Variants in PTPRU observed in about 807,000 individuals in gnomAD.
PTPRU encodes protein tyrosine phosphatase receptor type U.
PTPRU carries 69 observed loss-of-function variants against 166.3 expected under a neutral mutation model. The observed-to-expected ratio is 0.41, with a 90% CI of 0.34 to 0.51. The LOEUF is 0.51. Among genes scored for constraint, PTPRU ranks in the 20% least tolerant of loss-of-function variants. The probability of loss-of-function intolerance (pLI) is 0.09; values close to 1 mark genes in which losing one functional copy is unlikely to be tolerated. For synonymous variants in PTPRU, 793 were observed against 814.0 expected (o/e 0.97, Z 0.44); for missense variants, 1,657 against 2,013.7 (o/e 0.82, Z 3.39).
chr1:29,311,651 C>G lies in PTPRU; in HGVS notation c.2964C>G (p.Cys988Trp). Reference protein sequence around the residue: ...TKLVEVGRVKCSRYWPEDSDT... With the variant: ...TKLVEVGRVKWSRYWPEDSDT... ...TCCTGTGGGGCCTCTAGGTGAAATG[C>G]TCACGGTACTGGCCGGAGGACTCAG... The change falls in exon 21 of 30, where the codon TGC becomes TGG. Residue 988 changes from cysteine (C) to tryptophan (W), a missense_variant. Cys to Trp is a radical substitution (Grantham distance 215). This residue lies in a region of PTPRU where 1,190 missense variants were observed against 1,477.4 expected (regional missense o/e 0.81). Transcript: ENST00000373779. This position sits in a 1 kb window ranked among gnomAD's most constrained non-coding sequence, Gnocchi z 4.1. 1 of 1,614,148 alleles carries G rather than the reference C, an allele frequency of 6.2e-7. No individual in the cohort carries two copies. Among genetic ancestry groups the G allele is most frequent in the Non-Finnish European group, 8.5e-7 (1 of 1,179,964 alleles).
Position 29,279,031 on chromosome 1 carries a change from C to T in PTPRU, c.1473C>T (p.Ala491=), listed in dbSNP as rs35932909. The T allele has an allele frequency of 2.3e-3, 3,663 of 1,588,846 alleles. 82 individuals carry two copies. The African/African-American group carries it at 0.039, about 17-fold the overall frequency. ...TTGCAGTGCCCAGTGGGATTGCAGCCGAGTCCCTGACCTTCACTCCACTGG... is the reference window on the plus strand; with the variant it reads ...TTGCAGTGCCCAGTGGGATTGCAGCTGAGTCCCTGACCTTCACTCCACTGG... ...TDEDVPSGIA[A]ESLTFTPLED... is the part of the protein sequence containing the mutation. The change falls in exon 9 of 30, where the codon GCC becomes GCT. Residue 491 remains alanine, a synonymous_variant. Transcript: ENST00000373779. This position sits in a 1 kb window ranked among gnomAD's most constrained non-coding sequence, Gnocchi z 5.2.
rs1683858929 is a variant in PTPRU, at chr1:29,238,011, T to C, written c.73+1294T>C. ...CGCCCGGGCCTCCCGGGACACTCCC[T>C]TGGTGGAGCCTGCAACTTTGTGCGG... On this transcript the variant is annotated intron_variant, in intron 1 of 29. Transcript: ENST00000373779. The surrounding 1 kb of genome is among the most constrained non-coding windows in gnomAD (Gnocchi z 6.1). Among the ~76,000 whole-genome samples, 1 of 150,896 alleles carries C rather than the reference T, an allele frequency of 6.6e-6. No homozygotes were observed. The highest frequency in any genetic ancestry group is 1.5e-5 in the Non-Finnish European group (1 of 67,572).
At chr1:29,302,112 C>T (rs1225905207) in intron 15 of PTPRU, among the ~76,000 whole-genome samples, 4 of 151,104 alleles carry the variant, frequency 2.6e-5, no homozygotes, top group African/African-American at 7.3e-5. Flanking sequence ...GACAGCGATA[C>T]TGATGATCCT....
intron 1 of PTPRU, among the ~76,000 whole-genome samples, chr1:29,243,861 G>T (rs1468886770): frequency 6.6e-6 from 1 of 152,182 alleles, no homozygotes; most frequent in Non-Finnish European, 1.5e-5. Flanking sequence ...GTCATGGGTG[G>T]GCTGGCTATG....
intron 7 of PTPRU, among the ~76,000 whole-genome samples, chr1:29,269,256 T>A (rs1446955985): frequency 7.3e-5 from 8 of 110,070 alleles, no homozygotes; most frequent in Non-Finnish European, 9.6e-5. Flanking sequence ...ATTTTTTTTT[T>A]TTTTTTTTTT....
rs34163524 is a variant in PTPRU at position 29,266,010 on chromosome 1, G to GTTTTTTT, written c.1144+5128_1144+5134dup. Reference sequence around the variant, plus strand: ...CTGTCTCCCAAAGATTTTCTCCTGGGTTTTTTTTTTTTTTTTTTTTTTTTT... The same window carrying GTTTTTTT: ...CTGTCTCCCAAAGATTTTCTCCTGGGTTTTTTTTTTTTTTTTTTTTTTTTTTTTTTTT... On this transcript the variant is annotated intron_variant, in intron 7 of 29. Transcript: ENST00000373779. Among the ~76,000 whole-genome samples, 169 of 79,212 alleles carry GTTTTTTT rather than the reference G, an allele frequency of 2.1e-3. 11 individuals are homozygous for GTTTTTTT. The highest frequency in any genetic ancestry group is 7.0e-3 in the African/African-American group (158 of 22,492). 52.0% of individuals were successfully genotyped at this position (79,212 alleles called of 152,430 possible).
At chr1:29,286,628 A>G (rs1686361241) in intron 14 of PTPRU, among the ~76,000 whole-genome samples, 2 of 149,646 alleles carry the variant, frequency 1.3e-5, no homozygotes, top group South Asian at 4.2e-4. Flanking sequence ...GGAGAGGGCT[A>G]TAGTGGAGGG....
intron 8 of PTPRU, among the ~76,000 whole-genome samples, chr1:29,277,004 G>A (rs1685834670): frequency 6.6e-6 from 1 of 152,252 alleles, no homozygotes; most frequent in East Asian, 1.9e-4. Flanking sequence ...TCAATTTGTT[G>A]TCTATACAAT....
At chr1:29,278,132 T>A (rs1265302244) in intron 8 of PTPRU, among the ~76,000 whole-genome samples, 2 of 152,086 alleles carry the variant, frequency 1.3e-5, no homozygotes, top group African/African-American at 4.8e-5. Flanking sequence ...GTTGTCCTTC[T>A]TAAGAGCTAC....
chr1:29,258,626 G>A lies in PTPRU; in HGVS notation c.327G>A (p.Arg109=). 6.2e-7 allele frequency: 1 copy of A among 1,614,264 alleles called. No individual in the cohort carries two copies. The highest frequency in any genetic ancestry group is 1.3e-5 in the African/African-American group (1 of 75,078). The change falls in exon 3 of 30, where the codon CGG becomes CGA. Residue 109 remains arginine (R), a synonymous_variant. Transcript: ENST00000373779. ...AGTTCAGCTACTTCCTGTACAGCCGGGACGGGCACAGCCCGGGCACCCTGG... is the reference window on the plus strand; with the variant it reads ...AGTTCAGCTACTTCCTGTACAGCCGAGACGGGCACAGCCCGGGCACCCTGG... The part of the protein sequence containing the change: ...CVQFSYFLYS[R]DGHSPGTLGV...
intron 18 of PTPRU, chr1:29,307,023 C>A: frequency 7.7e-7 from 1 of 1,301,166 alleles, no homozygotes; most frequent in South Asian, 1.2e-5. Flanking sequence ...CTGCCCTGCT[C>A]ACATCGCCCA....
In PTPRU at chr1:29,237,796, A is replaced by AGGGGCCGGCGGGCGGGCAGGGGAGGGC. The variant is rs1683842862; in HGVS notation, c.73+1080_73+1106dup. Among the ~76,000 whole-genome samples the AGGGGCCGGCGGGCGGGCAGGGGAGGGC allele has an allele frequency of 6.9e-6, 1 of 145,072 alleles. No homozygotes were observed. The highest frequency in any genetic ancestry group is 1.5e-5 in the Non-Finnish European group (1 of 65,558). ...GCGCCCGGGCCAGCGGGCCCCAGCG[A>AGGGGCCGGCGGGCGGGCAGGGGAGGGC]GGGGCCGGCGGGCGGGCAGGGGAGG... is the stretch of plus-strand genomic sequence containing the variant. On this transcript the variant is annotated intron_variant, in intron 1 of 29. Transcript: ENST00000373779. The surrounding 1 kb of genome is among the most constrained non-coding windows in gnomAD (Gnocchi z 6.4).
At chr1:29,244,840 G>T (rs966832496) in intron 1 of PTPRU, among the ~76,000 whole-genome samples, 1 of 152,202 alleles carries the variant, frequency 6.6e-6, no homozygotes, top group African/African-American at 2.4e-5. Context: ...TAAGCACTGT[G>T]TAAGTGATCA....
Position 29,279,763 on chromosome 1 carries a change from G to T in PTPRU, c.1765+106G>T, listed in dbSNP as rs906114747. 5 of 1,343,120 alleles carry T rather than the reference G, an allele frequency of 3.7e-6. No individual in the cohort carries two copies. Among genetic ancestry groups the T allele is most frequent in the Admixed American group, 3.8e-5 (2 of 52,420 alleles). The allele number at this position is 1,343,120 out of a possible 1,614,324, so 83.2% of individuals were successfully genotyped here. A position where few individuals can be genotyped will look rare whatever the true frequency, so the allele number is the denominator to read the frequency against. ...GGCATCCTGGGGGTAGTTACAGAGG[G>T]CCCCTGCTGAGATAAATATGCCATT... On this transcript the variant is annotated intron_variant, in intron 10 of 29. Coordinates refer to ENST00000373779, the MANE Select transcript of PTPRU (RefSeq NM_133178.4). The surrounding 1 kb of genome is among the most constrained non-coding windows in gnomAD (Gnocchi z 5.2).
intron 1 of PTPRU, among the ~76,000 whole-genome samples, chr1:29,244,292 C>T (rs918756722): frequency 1.3e-5 from 2 of 151,628 alleles, no homozygotes; most frequent in East Asian, 1.9e-4. Flanking sequence ...GGACCACTGG[C>T]GGATAGAAGA....
At chr1:29,289,255 AGT>A (rs746561182) in intron 14 of PTPRU, among the ~76,000 whole-genome samples, 24 of 151,864 alleles carry the variant, frequency 1.6e-4, no homozygotes, top group Non-Finnish European at 2.5e-4. Context: ...TGTCTAAGTG[AGT>A]GTGTGTCAAG....
rs1687877905 is a variant in PTPRU, at chr1:29,315,809, G to A, written c.3364-193G>A. 1.3e-5 allele frequency among the ~76,000 whole-genome samples: 2 copies of A among 152,190 alleles called. No homozygotes were observed. The highest frequency in any genetic ancestry group is 2.9e-5 in the Non-Finnish European group (2 of 68,032). On this transcript the variant is annotated intron_variant, in intron 23 of 29. Coordinates refer to ENST00000373779, the MANE Select transcript of PTPRU (RefSeq NM_133178.4). The surrounding 1 kb of genome is among the most constrained non-coding windows in gnomAD (Gnocchi z 4.5). ...AGCACTCACAGAGTTGTTATAGGGG[G>A]TAGGGATGAAATAGGAGATAAAGGG...
intron 16 of PTPRU, 32 bp downstream of exon 16, chr1:29,304,077 T>TG: frequency 6.3e-7 from 1 of 1,584,392 alleles, no homozygotes; most frequent in Non-Finnish European, 8.6e-7. Context: ...GCAGGATCCC[T>TG]GCAGAGGCCT....
intron 1 of PTPRU, among the ~76,000 whole-genome samples, chr1:29,246,847 C>G (rs1298591210): frequency 6.6e-6 from 1 of 152,128 alleles, no homozygotes. Flanking sequence ...AACCTCTGAC[C>G]TCAAATGATC....
Sources: allele counts gnomAD v4.1 joint callset (sites outside exome capture counted in the v4.1 genomes callset), GRCh38; gene constraint gnomAD v4.1.1; regional missense constraint gnomAD v4.1.1; non-coding constraint Gnocchi (gnomAD v3.1); transcripts MANE v1.5; gene names NCBI Gene and HGNC (gene_info 2026-07-23, HGNC 2026-07-21).